ACVR2B: variants seen among roughly 807,000 people sequenced by gnomAD.
ACVR2B encodes the protein activin receptor type-2B.
ACVR2B carries 18 observed loss-of-function variants against 65.1 expected under a neutral mutation model. That is an observed-to-expected ratio of 0.28 (90% CI 0.19 to 0.41). The LOEUF is 0.41. Among genes scored for constraint, ACVR2B ranks in the 10% least tolerant of loss-of-function variants. The pLI is 1.00. For missense variants in ACVR2B, 482 were observed against 682.7 expected, an observed-to-expected ratio of 0.71 and a Z score of 3.28; for synonymous variants, 298 against 277.7, an observed-to-expected ratio of 1.07 and a Z score of -0.73.
chr3:38,460,182 C>T (rs899122435), intron 1 of ACVR2B, among the ~76,000 whole-genome samples: 8 of 152,154 alleles, frequency 5.3e-5, no homozygotes, highest in Non-Finnish European at 1.2e-4. Context: ...AATTCTTTCT[C>T]TTCCTTCCCT....
Position 38,492,801 on chromosome 3 carries a change from CA to C in ACVR2B, c.*9470del, listed in dbSNP as rs2059823691. 12 of 70,644 alleles carry C rather than the reference CA, an allele frequency of 1.7e-4. No homozygotes were observed. The highest frequency in any genetic ancestry group is 9.5e-4 in the South Asian group (2 of 2,116). 4.4% of individuals were successfully genotyped at this position (70,644 alleles called of 1,614,324 possible). ...ACACACACACACACACACACACACA[CA>C]CATACACCTAAAATGGCCTAAAGCA... On this transcript the variant is annotated 3_prime_UTR_variant, in exon 11 of 11. Coordinates refer to ENST00000352511, the MANE Select transcript of ACVR2B (RefSeq NM_001106.4).
intron 1 of ACVR2B, among the ~76,000 whole-genome samples, chr3:38,455,090 C>T (rs908528756): frequency 2.0e-5 from 3 of 152,148 alleles, no homozygotes; most frequent in Admixed American, 6.6e-5. Context: ...GGGTGACCAG[C>T]GCTCAGCTCG....
chr3:38,454,020 C>T lies in ACVR2B; in HGVS notation c.-303C>T, dbSNP rs1452352703. On this transcript the variant is annotated 5_prime_UTR_variant, in exon 1 of 11. Coordinates refer to ENST00000352511, the MANE Select transcript of ACVR2B (RefSeq NM_001106.4). ...GCCCGGGGCCCGGGCCCAGCCCCGC[C>T]GCGCTATGCCTGAGTCGGGCGCGCC... The T allele has an allele frequency of 6.9e-6, 1 of 145,602 alleles. No homozygotes were observed. Among genetic ancestry groups the T allele is most frequent in the African/African-American group, 2.5e-5 (1 of 40,350 alleles). The allele number at this position is 145,602 out of a possible 1,614,324, so 9.0% of individuals were successfully genotyped here. A position where few individuals can be genotyped will look rare whatever the true frequency, so the allele number is the denominator to read the frequency against.
In ACVR2B at chr3:38,488,637, G is replaced by A. The variant is rs1710162281; in HGVS notation, c.*5305G>A. On this transcript the variant is annotated 3_prime_UTR_variant, in exon 11 of 11. Transcript: ENST00000352511. ...TACCAAGTTTTTACATTTTCATGAT[G>A]GTATTTTCCAGGTATGAATGAAACA... 6.6e-6 allele frequency: 1 copy of A among 152,100 alleles called. No homozygotes were observed. Among genetic ancestry groups the A allele is most frequent in the Non-Finnish European group, 1.5e-5 (1 of 68,026 alleles). 9.4% of individuals were successfully genotyped at this position (152,100 alleles called of 1,614,324 possible). A position where few individuals can be genotyped will look rare whatever the true frequency, so the allele number is the denominator to read the frequency against.
Position 38,482,517 on chromosome 3 carries a change from A to G in ACVR2B, c.1301A>G (p.Lys434Arg), listed in dbSNP as rs904463166. The G allele has an allele frequency of 1.2e-6, 2 of 1,612,082 alleles. No homozygotes were observed. Among genetic ancestry groups the G allele is most frequent in the Non-Finnish European group, 8.5e-7 (1 of 1,179,832 alleles). Residue 434 changes from lysine to arginine, a missense_variant, in exon 10 of 11, where the codon AAG (lysine) becomes AGG (arginine). Physicochemically the swap from Lys to Arg is conservative, Grantham distance 26. This residue lies in a region of ACVR2B where 223 missense variants were observed against 386.3 expected (regional missense o/e 0.58). Transcript: ENST00000352511. ...LEELQEVVVH[K>R]KMRPTIKDHW... ...GAGCTGCAGGAGGTGGTGGTGCACA[A>G]GAAGATGAGGCCCACCATTAAAGAT...
chr3:38,464,206 C>A (rs1352050256), intron 1 of ACVR2B, among the ~76,000 whole-genome samples: 2 of 152,322 alleles, frequency 1.3e-5, no homozygotes, highest in Non-Finnish European at 2.9e-5. Context: ...CTGTTTTCCT[C>A]TTGAGTGACA....
At chr3:38,462,119 G>A (rs1388839116) in intron 1 of ACVR2B, among the ~76,000 whole-genome samples, 3 of 152,066 alleles carry the variant, frequency 2.0e-5, no homozygotes, top group South Asian at 2.1e-4. Flanking sequence ...GCGTGAACCC[G>A]GGAGGCGGAG....
rs1209432852 is a variant in ACVR2B at position 38,489,695 on chromosome 3, G to T, written c.*6363G>T. The T allele has an allele frequency of 2.0e-5, 3 of 152,582 alleles. No individual in the cohort carries two copies. Among genetic ancestry groups the T allele is most frequent in the Admixed American group, 1.3e-4 (2 of 15,280 alleles). The allele number at this position is 152,582 out of a possible 1,614,324, so 9.5% of individuals were successfully genotyped here. A position where few individuals can be genotyped will look rare whatever the true frequency, so the allele number is the denominator to read the frequency against. On this transcript the variant is annotated 3_prime_UTR_variant, in exon 11 of 11. Coordinates refer to ENST00000352511, the MANE Select transcript of ACVR2B (RefSeq NM_001106.4). ...ACATAGTCATGTGAGAGTGTTTGGGGGAACAGAAATTGTATAGGGGTGCCT... is the reference window on the plus strand; with the variant it reads ...ACATAGTCATGTGAGAGTGTTTGGGTGAACAGAAATTGTATAGGGGTGCCT...
intron 1 of ACVR2B, among the ~76,000 whole-genome samples, chr3:38,466,941 T>G (rs1280965572): frequency 6.6e-6 from 1 of 152,200 alleles, no homozygotes; most frequent in African/African-American, 2.4e-5. Flanking sequence ...GCATTTATTG[T>G]GAGAATGTGT....
At chr3:38,471,112 A>G (rs1366893355) in intron 1 of ACVR2B, among the ~76,000 whole-genome samples, 1 of 152,230 alleles carries the variant, frequency 6.6e-6, no homozygotes, top group Non-Finnish European at 1.5e-5. Context: ...TGTTAACATC[A>G]GATAAAATGG....
chr3:38,462,279 GAAGT>G (rs1192405347), intron 1 of ACVR2B, among the ~76,000 whole-genome samples: 1 of 152,100 alleles, frequency 6.6e-6, no homozygotes, highest in Non-Finnish European at 1.5e-5. Context: ...GCATTTAATT[GAAGT>G]ATAAAACATA....
intron 1 of ACVR2B, among the ~76,000 whole-genome samples, chr3:38,461,792 A>C (rs1709651851): frequency 1.3e-5 from 2 of 152,224 alleles, no homozygotes; most frequent in Admixed American, 1.3e-4. Context: ...TCCTTTTATC[A>C]CTTCTGTTCC....
rs1032106104 is a variant in ACVR2B, at chr3:38,484,723, A to G, written c.*1391A>G. 1.3e-5 allele frequency: 2 copies of G among 152,622 alleles called. No individual in the cohort carries two copies. 9.5% of individuals were successfully genotyped at this position (152,622 alleles called of 1,614,324 possible). A position where few individuals can be genotyped will look rare whatever the true frequency, so the allele number is the denominator to read the frequency against. ...CACATGCTTCGCTATGTGGCTTCCA[A>G]GGTTTAAATTTTGAAAAGTAAAAGA... On this transcript the variant is annotated 3_prime_UTR_variant, in exon 11 of 11. Transcript: ENST00000352511.
chr3:38,455,295 A>G (rs759621809), intron 1 of ACVR2B, among the ~76,000 whole-genome samples: 2 of 152,032 alleles, frequency 1.3e-5, no homozygotes, highest in Non-Finnish European at 2.9e-5. Context: ...TCCCCTGGCC[A>G]GTCCTGGGAA....
chr3:38,478,823 T>G (rs1474737111), intron 5 of ACVR2B, among the ~76,000 whole-genome samples: 1 of 152,072 alleles, frequency 6.6e-6, no homozygotes, highest in Admixed American at 6.5e-5. Flanking sequence ...TCTGCCTCAT[T>G]TGTTGGGTGA....
At chr3:38,479,866 G>A (rs1425517088) in intron 7 of ACVR2B, 40 bp downstream of exon 7, 5 of 1,608,440 alleles carry the variant, frequency 3.1e-6, no homozygotes, top group Non-Finnish European at 4.2e-6. Flanking sequence ...ACTTGACCTG[G>A]AGCTGTGGGA....
Position 38,481,271 on chromosome 3 carries a change from A to G in ACVR2B, c.960-80A>G. 2.4e-6 allele frequency: 3 copies of G among 1,231,252 alleles called. No homozygotes were observed. The highest frequency in any genetic ancestry group is 3.6e-6 in the Non-Finnish European group (3 of 833,966). 76.3% of individuals were successfully genotyped at this position (1,231,252 alleles called of 1,614,324 possible). On this transcript the variant is annotated intron_variant, in intron 7 of 10. Transcript: ENST00000352511. This position sits in a 1 kb window ranked among gnomAD's most constrained non-coding sequence, Gnocchi z 4.7. ...CTGGTCTGGGGCCTGACTCTAGGGC[A>G]CAGACTCTAGTATCTTGGGAACCAA...
chr3:38,461,786 T>C (rs957617354), intron 1 of ACVR2B, among the ~76,000 whole-genome samples: 31 of 152,348 alleles, frequency 2.0e-4, no homozygotes, highest in African/African-American at 7.5e-4. Context: ...AGGGTCTCCT[T>C]TTATCACTTC....
At position 38,485,892 on chromosome 3, in the gene ACVR2B, A is replaced by G. The variant is rs1252525683; in HGVS notation, c.*2560A>G. 1 of 152,496 alleles carries G rather than the reference A, an allele frequency of 6.6e-6. No individual in the cohort carries two copies. Among genetic ancestry groups the G allele is most frequent in the Non-Finnish European group, 1.5e-5 (1 of 67,992 alleles). The allele number at this position is 152,496 out of a possible 1,614,324, so 9.4% of individuals were successfully genotyped here. On this transcript the variant is annotated 3_prime_UTR_variant, in exon 11 of 11. Transcript: ENST00000352511. ...CATCTTTACTTTTCATCCTCAGAAG[A>G]AACAAACGACTAACAAATGTAGCAA...
Sources: gnomAD v4.1 joint callset for allele counts (sites outside exome capture counted in the v4.1 genomes callset) on GRCh38, gnomAD v4.1.1 for gene constraint, gnomAD v4.1.1 regional missense constraint, Gnocchi (gnomAD v3.1) non-coding constraint, MANE v1.5 for transcripts, NCBI Gene and HGNC (gene_info 2026-07-23, HGNC 2026-07-21) for gene names.